SMIM10L2B: variants seen among roughly 807,000 people sequenced by gnomAD.
SMIM10L2B encodes small integral membrane protein 10 like 2B.
For synonymous variants in SMIM10L2B, 28 were observed against 30.0 expected (o/e 0.93, Z 0.22); for missense variants, 40 against 58.7 (o/e 0.68, Z 1.04).
rs1477293789 is a variant in SMIM10L2B at position 135,095,694 on chromosome X, C to A, written c.*1792G>T. 8.9e-6 allele frequency: 1 copy of A among 112,258 alleles called. No individual in the cohort carries two copies. The highest frequency in any genetic ancestry group is 3.2e-5 in the African/African-American group (1 of 30,853). 9.3% of individuals were successfully genotyped at this position (112,258 alleles called of 1,213,427 possible). On this transcript the variant is annotated 3_prime_UTR_variant, in exon 2 of 2. Coordinates refer to ENST00000433425, the MANE Select transcript of SMIM10L2B (RefSeq NM_001348255.2). ...GTTTGAAAGGGCCACATCTGTGCAT[C>A]AGACACAAGGAGGCCCCTCACTCCT...
chrX:135,098,171 G>A lies in SMIM10L2B; in HGVS notation c.*226C>T. On this transcript the variant is annotated 3_prime_UTR_variant, in exon 1 of 2. Transcript: ENST00000433425. ...GAGCCCAATTGTAGGGGCCTGTTCAGTGCATTTCTGCGCGATCCGGGGTCC... is the reference window on the plus strand; with the variant it reads ...GAGCCCAATTGTAGGGGCCTGTTCAATGCATTTCTGCGCGATCCGGGGTCC... The A allele has an allele frequency of 4.1e-6, 1 of 244,649 alleles. No homozygotes were observed. Among genetic ancestry groups the A allele is most frequent in the East Asian group, 6.4e-5 (1 of 15,624 alleles). The allele number at this position is 244,649 out of a possible 1,213,427, so 20.2% of individuals were successfully genotyped here. A position where few individuals can be genotyped will look rare whatever the true frequency, so the allele number is the denominator to read the frequency against.
intron 1 of SMIM10L2B, among the ~76,000 whole-genome samples, chrX:135,097,828 C>G (rs1444678502): frequency 1.8e-5 from 2 of 111,995 alleles, no homozygotes; most frequent in African/African-American, 3.3e-5. Flanking sequence ...GAGCGGGAGG[C>G]GGCTGCCCCT....
At chrX:135,097,468 G>A (rs782676210) in intron 1 of SMIM10L2B, among the ~76,000 whole-genome samples, 3 of 111,916 alleles carry the variant, frequency 2.7e-5, no homozygotes, top group Admixed American at 1.9e-4. Context: ...CAAATGCAAA[G>A]CTTGCAGGGT....
rs1337009188 is a variant in SMIM10L2B, at chrX:135,096,848, A to G, written c.*638T>C. On this transcript the variant is annotated 3_prime_UTR_variant, in exon 2 of 2. Coordinates refer to ENST00000433425, the MANE Select transcript of SMIM10L2B (RefSeq NM_001348255.2). ...GTTTCCTCTGTCATTAGGAGGGGGA[A>G]ATACACCTCTCTCACAGTGCTGCTA... 8.9e-6 allele frequency: 1 copy of G among 112,018 alleles called. No homozygotes were observed. The highest frequency in any genetic ancestry group is 9.4e-5 in the Admixed American group (1 of 10,685). The allele number at this position is 112,018 out of a possible 1,213,427, so 9.2% of individuals were successfully genotyped here. A position where few individuals can be genotyped will look rare whatever the true frequency, so the allele number is the denominator to read the frequency against.
At position 135,098,164 on chromosome X, in the gene SMIM10L2B, C is replaced by T. The variant is rs2148436038; in HGVS notation, c.*233G>A. ...GTTTCTGGAGCCCAATTGTAGGGGC[C>T]TGTTCAGTGCATTTCTGCGCGATCC... On this transcript the variant is annotated 3_prime_UTR_variant, in exon 1 of 2. Coordinates refer to ENST00000433425, the MANE Select transcript of SMIM10L2B (RefSeq NM_001348255.2). 1 of 239,126 alleles carries T rather than the reference C, an allele frequency of 4.2e-6. No individual in the cohort carries two copies. The highest frequency in any genetic ancestry group is 6.6e-5 in the East Asian group (1 of 15,096). 19.7% of individuals were successfully genotyped at this position (239,126 alleles called of 1,213,427 possible). A position where few individuals can be genotyped will look rare whatever the true frequency, so the allele number is the denominator to read the frequency against.
intron 1 of SMIM10L2B, among the ~76,000 whole-genome samples, chrX:135,097,430 A>G (rs1259380799): frequency 9.0e-6 from 1 of 111,647 alleles, no homozygotes; most frequent in Non-Finnish European, 1.9e-5. Context: ...GACGGTAGGA[A>G]TGCGTCTCTC....
rs187978583 is a variant in SMIM10L2B, at chrX:135,097,364, C to T, written c.*365-243G>A. ...GGCCCTGGGAGGGCCTTGCTAGCTA[C>T]GGTCCTTAGGGAGCATGGGCTGACA... On this transcript the variant is annotated intron_variant, in intron 1 of 1. Coordinates refer to ENST00000433425, the MANE Select transcript of SMIM10L2B (RefSeq NM_001348255.2). Among the ~76,000 whole-genome samples the T allele has an allele frequency of 1.6e-4, 18 of 112,563 alleles. No individual in the cohort carries two copies. In the East Asian group the frequency reaches 4.2e-3, roughly 26 times the overall value.
chrX:135,096,075 TCAATCC>T lies in SMIM10L2B; in HGVS notation c.*1405_*1410del, dbSNP rs1440849467. 4.5e-5 allele frequency: 5 copies of T among 111,566 alleles called. No individual in the cohort carries two copies. The highest frequency in any genetic ancestry group is 9.4e-5 in the Non-Finnish European group (5 of 53,094). The allele number at this position is 111,566 out of a possible 1,213,427, so 9.2% of individuals were successfully genotyped here. On this transcript the variant is annotated 3_prime_UTR_variant, in exon 2 of 2. Coordinates refer to ENST00000433425, the MANE Select transcript of SMIM10L2B (RefSeq NM_001348255.2). ...GGAGCTGGCCAGACTGCTGCAGTTTTCAATCCCAGGAACTGAGAATGTGGCCCTCAG... is the reference window on the plus strand; with the variant it reads ...GGAGCTGGCCAGACTGCTGCAGTTTTCAGGAACTGAGAATGTGGCCCTCAG...
At position 135,096,779 on chromosome X, in the gene SMIM10L2B, C is replaced by G. The variant is rs1402355942; in HGVS notation, c.*707G>C. On this transcript the variant is annotated 3_prime_UTR_variant, in exon 2 of 2. Transcript: ENST00000433425. ...GGGGCACACGCAGTTCCTCCTCATC[C>G]TATCTGCATGTCAAGGGCAAATCCC... 8.9e-6 allele frequency: 1 copy of G among 111,829 alleles called. No homozygotes were observed. The highest frequency in any genetic ancestry group is 1.9e-5 in the Non-Finnish European group (1 of 53,048). The allele number at this position is 111,829 out of a possible 1,213,427, so 9.2% of individuals were successfully genotyped here. A position where few individuals can be genotyped will look rare whatever the true frequency, so the allele number is the denominator to read the frequency against.
chrX:135,095,449 G>T lies in SMIM10L2B; in HGVS notation c.*2037C>A, dbSNP rs1556397763. The T allele has an allele frequency of 1.8e-5, 2 of 111,775 alleles. No homozygotes were observed. Among genetic ancestry groups the T allele is most frequent in the East Asian group, 5.7e-4 (2 of 3,519 alleles). The allele number at this position is 111,775 out of a possible 1,213,427, so 9.2% of individuals were successfully genotyped here. A position where few individuals can be genotyped will look rare whatever the true frequency, so the allele number is the denominator to read the frequency against. On this transcript the variant is annotated 3_prime_UTR_variant, in exon 2 of 2. Coordinates refer to ENST00000433425, the MANE Select transcript of SMIM10L2B (RefSeq NM_001348255.2). The stretch of plus-strand genomic sequence containing the variant: ...TTATGGGGTGGGTTCCCTGCAGTCG[G>T]GGGTCTCTGAGGGTAGGGACCCCTG...
rs1556398177 is a variant in SMIM10L2B at position 135,096,975 on chromosome X, A to G, written c.*511T>C. 8.9e-6 allele frequency: 1 copy of G among 112,695 alleles called. No individual in the cohort carries two copies. Among genetic ancestry groups the G allele is most frequent in the Non-Finnish European group, 1.9e-5 (1 of 53,192 alleles). 9.3% of individuals were successfully genotyped at this position (112,695 alleles called of 1,213,427 possible). ...GAGCCTTTGTCCATGCTGTGCCTCT[A>G]CTAGGAAGGCCCTTCTTCTCCTCTT... On this transcript the variant is annotated 3_prime_UTR_variant, in exon 2 of 2. Coordinates refer to ENST00000433425, the MANE Select transcript of SMIM10L2B (RefSeq NM_001348255.2).
In SMIM10L2B at chrX:135,098,308, G is replaced by T. The variant is rs1369097699; in HGVS notation, c.*89C>A. Reference sequence around the variant, plus strand: ...CTCCGCCCCCCGCCGCGATCCAGCTGTCCTTCATGCCCGCGACCCGGCCGG... The same window carrying T: ...CTCCGCCCCCCGCCGCGATCCAGCTTTCCTTCATGCCCGCGACCCGGCCGG... On this transcript the variant is annotated 3_prime_UTR_variant, in exon 1 of 2. Coordinates refer to ENST00000433425, the MANE Select transcript of SMIM10L2B (RefSeq NM_001348255.2). 5.2e-5 allele frequency: 15 copies of T among 285,744 alleles called. No individual in the cohort carries two copies. The highest frequency in any genetic ancestry group is 7.3e-5 in the Non-Finnish European group (12 of 165,106). 23.5% of individuals were successfully genotyped at this position (285,744 alleles called of 1,213,427 possible).
At chrX:135,097,543 C>T (rs2148435870) in intron 1 of SMIM10L2B, among the ~76,000 whole-genome samples, 1 of 112,042 alleles carries the variant, frequency 8.9e-6, no homozygotes, top group African/African-American at 3.2e-5. Flanking sequence ...GTCCTCTGGC[C>T]CCAAAGACAG....
chrX:135,096,524 G>C lies in SMIM10L2B; in HGVS notation c.*962C>G, dbSNP rs1232921703. ...GTGGGGGAAAGCTTGGCTCCCCAGG[G>C]ATCCTGGGGCCCATCTCTCCTGTCT... On this transcript the variant is annotated 3_prime_UTR_variant, in exon 2 of 2. Transcript: ENST00000433425. The C allele has an allele frequency of 9.0e-6, 1 of 111,306 alleles. No individual in the cohort carries two copies. The highest frequency in any genetic ancestry group is 1.9e-5 in the Non-Finnish European group (1 of 52,908). The allele number at this position is 111,306 out of a possible 1,213,427, so 9.2% of individuals were successfully genotyped here.
intron 1 of SMIM10L2B, among the ~76,000 whole-genome samples, 172 bp from the exon 2 acceptor site, chrX:135,097,293 C>T (rs1419819841): frequency 8.9e-6 from 1 of 112,914 alleles, no homozygotes; most frequent in African/African-American, 3.2e-5. Context: ...CACTTCAGTA[C>T]ACAGTGGGCT....
At position 135,098,395 on chromosome X, in the gene SMIM10L2B, G is replaced by A. The variant is rs781896677; in HGVS notation, c.*2C>T. On this transcript the variant is annotated 3_prime_UTR_variant, in exon 1 of 2. Transcript: ENST00000433425. ...CTCCGCGGCCGCCGCCGCCGCCGGCGCTCACTCGATCCGCACTTGCAGGCG... is the reference window on the plus strand; with the variant it reads ...CTCCGCGGCCGCCGCCGCCGCCGGCACTCACTCGATCCGCACTTGCAGGCG... 96 of 611,052 alleles carry A rather than the reference G, an allele frequency of 1.6e-4. No individual in the cohort carries two copies. In the Middle Eastern group the frequency reaches 2.3e-3, roughly 15 times the overall value. 50.4% of individuals were successfully genotyped at this position (611,052 alleles called of 1,213,427 possible). A position where few individuals can be genotyped will look rare whatever the true frequency, so the allele number is the denominator to read the frequency against.
Position 135,098,554 on chromosome X carries a change from G to T in SMIM10L2B, c.80C>A (p.Ala27Glu). Residue 27 changes from alanine to glutamate, a missense_variant, in exon 1 of 2, where the codon GCG becomes GAG. Transcript: ENST00000433425. The stretch of plus-strand genomic sequence containing the variant: ...GGCGCCGTATGAGCCTCGGGCCGCC[G>T]CCGAGCGCGACAGCCGAACCGCCAA... ...SGLAVRLSRS[A>E]AARGSYGAFC... 1.1e-6 allele frequency: 1 copy of T among 901,128 alleles called. No individual in the cohort carries two copies. The highest frequency in any genetic ancestry group is 1.5e-6 in the Non-Finnish European group (1 of 678,544). 74.3% of individuals were successfully genotyped at this position (901,128 alleles called of 1,213,427 possible).
Position 135,098,624 on chromosome X carries a change from A to C in SMIM10L2B, c.10T>G (p.Ser4Ala), listed in dbSNP as rs2083457081. The change falls in exon 1 of 2, where the codon TCG becomes GCG. Residue 4 changes from serine to alanine, a missense_variant. Transcript: ENST00000433425. MAA[S>A]AALSAAAAAA... ...GCCGCCGCCGCAGACAGAGCCGCCG[A>C]CGCCGCCATGGGCCCGGGCCCCGCG... 2.5e-6 allele frequency: 1 copy of C among 399,733 alleles called. No individual in the cohort carries two copies. The highest frequency in any genetic ancestry group is 6.2e-5 in the Admixed American group (1 of 16,089). 32.9% of individuals were successfully genotyped at this position (399,733 alleles called of 1,213,427 possible).
Position 135,098,613 on chromosome X carries a change from C to A in SMIM10L2B, c.21G>T (p.Leu7=), listed in dbSNP as rs1464999636. 2 of 474,079 alleles carry A rather than the reference C, an allele frequency of 4.2e-6. No individual in the cohort carries two copies. Among genetic ancestry groups the A allele is most frequent in the East Asian group, 4.8e-5 (1 of 20,963 alleles). 39.1% of individuals were successfully genotyped at this position (474,079 alleles called of 1,213,427 possible). ...GGGCTGCCGCCGCCGCCGCCGCAGA[C>A]AGAGCCGCCGACGCCGCCATGGGCC... is the stretch of plus-strand genomic sequence containing the variant. MAASAA[L]SAAAAAAALS... The change falls in exon 1 of 2, where the codon CTG becomes CTT. Residue 7 remains leucine, a synonymous_variant. Transcript: ENST00000433425.
Sources: allele counts gnomAD v4.1 joint callset (sites outside exome capture counted in the v4.1 genomes callset), GRCh38; gene constraint gnomAD v4.1.1; transcripts MANE v1.5; gene names NCBI Gene and HGNC (gene_info 2026-07-23, HGNC 2026-07-21).